Variants in FAAP20 observed in about 807,000 individuals in gnomAD.
The protein encoded by FAAP20 is FA core complex associated protein 20, also known as Fanconi anemia core complex-associated protein 20.
A neutral mutation model predicts 16.2 loss-of-function variants in FAAP20; 12 were observed. The ratio of observed to expected loss-of-function variants is 0.74; its 90% CI spans 0.48 to 1.20. The LOEUF is 1.20. Among genes scored for constraint, FAAP20 ranks in the 50% most tolerant of loss-of-function variants. FAAP20 has a pLI of 0.00. For missense variants in FAAP20, 288 were observed against 245.8 expected, an observed-to-expected ratio of 1.17 and a Z score of -1.15; for synonymous variants, 141 against 110.7, an observed-to-expected ratio of 1.27 and a Z score of -1.72.
chr1:2,201,342 G>T, upstream of FAAP20: 2 of 822,714 alleles, frequency 2.4e-6, no homozygotes, highest in Non-Finnish European at 3.1e-6. Context: ...GAAGGACTGG[G>T]ACACCCGTGG....
downstream of FAAP20, chr1:2,184,559 C>T (rs199841488): frequency 4.4e-6 from 7 of 1,595,136 alleles, no homozygotes; most frequent in African/African-American, 1.3e-5. Flanking sequence ...GCGGAGCTGA[C>T]CCTTCTCCTA....
At chr1:2,190,839 C>A (rs572641124) in intron 3 of FAAP20, 6 of 230,160 alleles carry the variant, frequency 2.6e-5, no homozygotes, top group Admixed American at 2.5e-4. Flanking sequence ...CGCTCCCCTA[C>A]AGCCTCTGCC....
intron 3 of FAAP20, chr1:2,190,007 G>T: frequency 1.6e-6 from 1 of 611,694 alleles, no homozygotes; most frequent in South Asian, 1.8e-5. Context: ...AGGCCCCTGC[G>T]TCCGAGCTGG....
At chr1:2,211,425 ATATATATATATTTTTTT>A (rs1689439257), downstream of FAAP20, among the ~76,000 whole-genome samples, 1 of 21,576 alleles carries the variant, frequency 4.6e-5, no homozygotes, top group African/African-American at 3.7e-4. Context: ...ATATATATAT[ATATATATATATTTTTTT>A]TTTTTTTTTT....
At chr1:2,191,491 T>C (rs1479944195) in intron 3 of FAAP20, 1 of 152,512 alleles carries the variant, frequency 6.6e-6, no homozygotes, top group African/African-American at 2.4e-5. Context: ...CTCACGCCTG[T>C]AATCCCAGCA....
chr1:2,196,794 C>T (rs1021628189), upstream of FAAP20, among the ~76,000 whole-genome samples: 5 of 152,180 alleles, frequency 3.3e-5, no homozygotes, highest in Non-Finnish European at 5.9e-5. The surrounding 1 kb of genome is among the most constrained non-coding windows in gnomAD (Gnocchi z 4.5). Flanking sequence ...GAGCCAAGAT[C>T]GCACCACTGC....
chr1:2,192,234 C>A (rs965133931), intron 3 of FAAP20: 1 of 986,156 alleles, frequency 1.0e-6, no homozygotes, highest in Non-Finnish European at 1.2e-6. Context: ...TGGGGCTTGT[C>A]CCCCAGCTAG....
upstream of FAAP20, among the ~76,000 whole-genome samples, chr1:2,195,967 G>C (rs1056318955): frequency 6.6e-6 from 1 of 152,176 alleles, no homozygotes; most frequent in Non-Finnish European, 1.5e-5. Context: ...CGGGCAGGGG[G>C]AGGGGGCCTG....
At chr1:2,209,993 G>GCCTCTT (rs1340017375), downstream of FAAP20, among the ~76,000 whole-genome samples, 13 of 152,200 alleles carry the variant, frequency 8.5e-5, no homozygotes, top group Non-Finnish European at 1.8e-4. Context: ...CTCTTGAGAG[G>GCCTCTT]CCTCTTCCCA....
chr1:2,201,276 A>G, upstream of FAAP20: 1 of 1,159,500 alleles, frequency 8.6e-7, no homozygotes, highest in Non-Finnish European at 1.1e-6. Flanking sequence ...CGCATCCTCC[A>G]GAGGGTCAGG....
At chr1:2,189,027 AAC>A (rs1491071754), downstream of FAAP20, among the ~76,000 whole-genome samples, 5 of 144,864 alleles carry the variant, frequency 3.5e-5, no homozygotes, top group African/African-American at 1.3e-4. Flanking sequence ...AAAAAAAAAA[AAC>A]AAAAAGAACG....
chr1:2,191,755 A>C (rs1471664208), intron 3 of FAAP20: 2 of 881,860 alleles, frequency 2.3e-6, no homozygotes, highest in East Asian at 2.4e-4. Context: ...AAAAAAAAAA[A>C]TCCCAGTGAC....
At chr1:2,185,084 C>T (rs1300477202), downstream of FAAP20, 5 of 1,395,210 alleles carry the variant, frequency 3.6e-6, no homozygotes, top group African/African-American at 5.7e-5. Flanking sequence ...ATATGCATGC[C>T]AGGCTGGGCA....
At chr1:2,201,509 G>A (rs1689047089), upstream of FAAP20, among the ~76,000 whole-genome samples, 1 of 152,066 alleles carries the variant, frequency 6.6e-6, no homozygotes, top group Non-Finnish European at 1.5e-5. Context: ...ATCACCTGAG[G>A]CCAGAAGTTC....
upstream of FAAP20, among the ~76,000 whole-genome samples, chr1:2,197,820 G>A (rs977988129): frequency 3.9e-5 from 6 of 152,238 alleles, no homozygotes; most frequent in Non-Finnish European, 8.8e-5. Flanking sequence ...AGTCCACAGA[G>A]AAAGGCACTG....
At chr1:2,196,798 C>G (rs190841565), upstream of FAAP20, among the ~76,000 whole-genome samples, 8 of 152,314 alleles carry the variant, frequency 5.3e-5, no homozygotes, top group Admixed American at 1.3e-4. The surrounding 1 kb of genome is among the most constrained non-coding windows in gnomAD (Gnocchi z 4.5). Context: ...CAAGATCGCA[C>G]CACTGCACAA....
At chr1:2,202,533 G>C (rs376532999), upstream of FAAP20, among the ~76,000 whole-genome samples, 112 of 152,084 alleles carry the variant, frequency 7.4e-4, no homozygotes, top group African/African-American at 2.6e-3. Flanking sequence ...GCATGATCTC[G>C]GCTCACTGCA....
intron 3 of FAAP20, 119 bp downstream of exon 3, chr1:2,193,520 A>C: frequency 6.9e-7 from 1 of 1,447,674 alleles, no homozygotes; most frequent in South Asian, 1.3e-5. Context: ...CCACCTTTCC[A>C]GTGTGAAACA....
chr1:2,199,686 G>C, upstream of FAAP20: 2 of 956,756 alleles, frequency 2.1e-6, no homozygotes, highest in Non-Finnish European at 1.2e-6. This position sits in a 1 kb window ranked among gnomAD's most constrained non-coding sequence, Gnocchi z 4.5. Flanking sequence ...AAGTGGCCTC[G>C]CTCGGAAGCA....
Sources: allele counts gnomAD v4.1 joint callset (sites outside exome capture counted in the v4.1 genomes callset), GRCh38; gene constraint gnomAD v4.1.1; non-coding constraint Gnocchi (gnomAD v3.1); transcripts MANE v1.5; gene names NCBI Gene and HGNC (gene_info 2026-07-23, HGNC 2026-07-21).